GRID2: variants seen among roughly 807,000 people sequenced by gnomAD.
The protein encoded by GRID2 is glutamate receptor ionotropic, delta-2.
GRID2 carries 33 observed loss-of-function variants against 114.8 expected under a neutral mutation model. That is an observed-to-expected ratio of 0.29 (90% CI 0.22 to 0.38). The LOEUF (loss-of-function observed/expected upper bound fraction) is 0.38. Ranked by LOEUF, GRID2 falls within the 10% of genes least tolerant of loss-of-function variation. The pLI, the probability that GRID2 is intolerant of heterozygous loss-of-function variation, is 1.00. For synonymous variants in GRID2, 505 were observed against 449.9 expected (o/e 1.12, Z -1.55); for missense variants, 1,184 against 1,257.7 (o/e 0.94, Z 0.89).
intron 13 of GRID2, among the ~76,000 whole-genome samples, chr4:93,517,930 TATGTATGTATATACATAC>T: frequency 7.6e-6 from 1 of 131,494 alleles, no homozygotes; most frequent in Admixed American, 7.5e-5. Context: ...ATATACTATA[TATGTATGTATATACATAC>T]ATGTATATGT....
intron 5 of GRID2, among the ~76,000 whole-genome samples, chr4:93,207,865 A>C (rs898914096): frequency 2.0e-5 from 3 of 152,040 alleles, no homozygotes; most frequent in African/African-American, 7.2e-5. Flanking sequence ...AAAGTTCAGC[A>C]TATGAATATG....
intron 14 of GRID2, among the ~76,000 whole-genome samples, chr4:93,669,960 C>A (rs1724264765): frequency 6.6e-6 from 1 of 152,010 alleles, no homozygotes; most frequent in Non-Finnish European, 1.5e-5. Flanking sequence ...CAATGCTATA[C>A]CCTTGAAATA....
intron 2 of GRID2, among the ~76,000 whole-genome samples, chr4:92,983,786 T>C (rs923674055): frequency 6.6e-6 from 1 of 152,118 alleles, no homozygotes; most frequent in African/African-American, 2.4e-5. Flanking sequence ...GTCCAATTAG[T>C]CTCTACTATA....
intron 13 of GRID2, among the ~76,000 whole-genome samples, chr4:93,615,095 C>G (rs761260292): frequency 1.2e-4 from 19 of 152,134 alleles, no homozygotes; most frequent in Non-Finnish European, 1.9e-4. Flanking sequence ...TGACACCAAG[C>G]TAAATATACT....
At chr4:92,633,236 A>AT (rs1730897399) in intron 2 of GRID2, among the ~76,000 whole-genome samples, 1 of 152,188 alleles carries the variant, frequency 6.6e-6, no homozygotes, top group African/African-American at 2.4e-5. Flanking sequence ...AGAACACAGT[A>AT]TATTGAGTAT....
intron 1 of GRID2, among the ~76,000 whole-genome samples, chr4:92,363,819 C>CTTTTTTTTTTT (rs11342142): frequency 8.1e-6 from 1 of 124,096 alleles, no homozygotes; most frequent in Non-Finnish European, 1.7e-5. Flanking sequence ...ATTAAGTTTA[C>CTTTTTTTTTTT]TTTTTTTTTT....
intron 8 of GRID2, among the ~76,000 whole-genome samples, chr4:93,330,483 T>A (rs1049542741): frequency 3.3e-5 from 5 of 152,214 alleles, no homozygotes; most frequent in African/African-American, 1.2e-4. Flanking sequence ...AGAAATATTT[T>A]CATTTCTTCA....
chr4:93,059,408 C>G (rs1308681145), intron 2 of GRID2, among the ~76,000 whole-genome samples: 1 of 152,028 alleles, frequency 6.6e-6, no homozygotes, highest in African/African-American at 2.4e-5. Context: ...GCATCCTATG[C>G]ATTGTAAGAT....
intron 13 of GRID2, among the ~76,000 whole-genome samples, chr4:93,577,727 T>G (rs1161650283): frequency 1.3e-5 from 2 of 152,202 alleles, no homozygotes; most frequent in African/African-American, 4.8e-5. Context: ...TCTTCTGTAC[T>G]CCCCTTTACA....
At chr4:93,558,515 C>G (rs1240738528) in intron 13 of GRID2, among the ~76,000 whole-genome samples, 1 of 152,126 alleles carries the variant, frequency 6.6e-6, no homozygotes, top group East Asian at 1.9e-4. Flanking sequence ...TGGACATACA[C>G]CCTCCCAAGA....
chr4:93,330,693 G>T (rs563071500), intron 8 of GRID2, among the ~76,000 whole-genome samples: 93 of 152,200 alleles, frequency 6.1e-4, no homozygotes, highest in African/African-American at 2.1e-3. Flanking sequence ...CCATATATCT[G>T]TTTAGATGAG....
At chr4:93,138,401 T>C (rs904970814) in intron 4 of GRID2, among the ~76,000 whole-genome samples, 3 of 152,236 alleles carry the variant, frequency 2.0e-5, no homozygotes, top group Non-Finnish European at 4.4e-5. Flanking sequence ...CTATTACTTA[T>C]GTTTACTACT....
chr4:93,468,658 G>A (rs549451287), intron 11 of GRID2, among the ~76,000 whole-genome samples: 1 of 152,144 alleles, frequency 6.6e-6, no homozygotes, highest in South Asian at 2.1e-4. Context: ...AGGACAGAGA[G>A]GTCCATGAGT....
At chr4:93,559,891 A>G (rs1310488256) in intron 13 of GRID2, among the ~76,000 whole-genome samples, 7 of 152,184 alleles carry the variant, frequency 4.6e-5, no homozygotes, top group African/African-American at 1.4e-4. Flanking sequence ...ATGGAATACA[A>G]TGCAGCCATA....
chr4:92,971,431 G>T (rs1411547735), intron 2 of GRID2, among the ~76,000 whole-genome samples: 1 of 151,774 alleles, frequency 6.6e-6, no homozygotes, highest in Admixed American at 6.6e-5. Flanking sequence ...TAGTTGACAT[G>T]TAATAATTGT....
chr4:92,778,301 C>G (rs1052781509), intron 2 of GRID2, among the ~76,000 whole-genome samples: 2 of 152,004 alleles, frequency 1.3e-5, no homozygotes, highest in African/African-American at 4.8e-5. Flanking sequence ...CTTTTAATTT[C>G]TTCTACTGGC....
intron 13 of GRID2, among the ~76,000 whole-genome samples, chr4:93,593,237 T>C (rs1738603278): frequency 1.4e-5 from 2 of 146,958 alleles, no homozygotes; most frequent in Non-Finnish European, 3.1e-5. Flanking sequence ...GGAGCTCTTT[T>C]AGGGCAGGCC....
chr4:92,958,494 C>A (rs182714010), intron 2 of GRID2, among the ~76,000 whole-genome samples: 1 of 152,106 alleles, frequency 6.6e-6, no homozygotes, highest in Admixed American at 6.6e-5. Flanking sequence ...AATATTGAAC[C>A]AGCCTTGTAT....
At chr4:93,564,708 C>T (rs1735246747) in intron 13 of GRID2, among the ~76,000 whole-genome samples, 1 of 151,960 alleles carries the variant, frequency 6.6e-6, no homozygotes, top group African/African-American at 2.4e-5. Context: ...AAATACTGGT[C>T]TTATAAGTCA....
Sources: allele counts gnomAD v4.1 joint callset (sites outside exome capture counted in the v4.1 genomes callset), GRCh38; gene constraint gnomAD v4.1.1; transcripts MANE v1.5; gene names NCBI Gene and HGNC (gene_info 2026-07-23, HGNC 2026-07-21).